LRP1B: variants seen among roughly 807,000 people sequenced by gnomAD.
The protein encoded by LRP1B is low-density lipoprotein receptor-related protein 1B.
LRP1B carries 217 observed loss-of-function variants against 556.6 expected under a neutral mutation model. The ratio of observed to expected loss-of-function variants is 0.39; its 90% CI spans 0.35 to 0.44. The LOEUF is 0.44. Among genes scored for constraint, LRP1B ranks in the 20% least tolerant of loss-of-function variants. The pLI, the probability that LRP1B is intolerant of heterozygous loss-of-function variation, is 1.00. For missense variants in LRP1B, 5,053 were observed against 5,620.8 expected (o/e 0.90, Z 3.23); for synonymous variants, 2,047 against 1,865.8 (o/e 1.10, Z -2.50).
At chr2:141,660,390 A>T (rs1482639968) in intron 2 of LRP1B, among the ~76,000 whole-genome samples, 1 of 131,186 alleles carries the variant, frequency 7.6e-6, no homozygotes, top group Non-Finnish European at 1.7e-5. Flanking sequence ...GTAGATTCTC[A>T]GTGGCCGCCT....
intron 7 of LRP1B, among the ~76,000 whole-genome samples, chr2:141,069,048 G>A (rs2105479379): frequency 6.6e-6 from 1 of 152,040 alleles, no homozygotes; most frequent in Middle Eastern, 3.4e-3. Flanking sequence ...CAGCAATTTA[G>A]AAAAATTATT....
chr2:140,774,744 T>C (rs966859911), intron 33 of LRP1B, among the ~76,000 whole-genome samples: 12 of 152,204 alleles, frequency 7.9e-5, no homozygotes, highest in African/African-American at 2.4e-4. Flanking sequence ...TATTCTCAAT[T>C]ACGTAATCTA....
chr2:140,647,065 C>A (rs1574187960), intron 41 of LRP1B, among the ~76,000 whole-genome samples: 1 of 152,066 alleles, frequency 6.6e-6, no homozygotes, highest in East Asian at 1.9e-4. Flanking sequence ...AGATGTTTCA[C>A]AATTAAATGA....
chr2:140,456,414 C>A (rs2105321553), intron 62 of LRP1B, 41 bp downstream of exon 62: 1 of 1,566,774 alleles, frequency 6.4e-7, no homozygotes, highest in Non-Finnish European at 8.7e-7. Context: ...GCTGATGTTT[C>A]ACCATACACT....
At chr2:141,911,233 C>T (rs892653869) in intron 1 of LRP1B, among the ~76,000 whole-genome samples, 3 of 152,086 alleles carry the variant, frequency 2.0e-5, no homozygotes, top group Non-Finnish European at 4.4e-5. Context: ...GACCTCAAAC[C>T]GGTTTTGTAT....
At chr2:141,593,119 T>C (rs1016343288) in intron 2 of LRP1B, among the ~76,000 whole-genome samples, 1 of 152,108 alleles carries the variant, frequency 6.6e-6, no homozygotes, top group African/African-American at 2.4e-5. Context: ...GACTAGATAA[T>C]GATATTTCTG....
At chr2:141,091,292 G>A (rs1343829181) in intron 7 of LRP1B, among the ~76,000 whole-genome samples, 1 of 152,172 alleles carries the variant, frequency 6.6e-6, no homozygotes, top group Non-Finnish European at 1.5e-5. Flanking sequence ...GTGACAAACA[G>A]AAGTGATTTA....
chr2:141,427,071 G>C (rs1241157936), intron 3 of LRP1B, among the ~76,000 whole-genome samples: 1 of 152,030 alleles, frequency 6.6e-6, no homozygotes, highest in Non-Finnish European at 1.5e-5. Flanking sequence ...TCCCCTCCCT[G>C]TGTCCATGAG....
intron 41 of LRP1B, among the ~76,000 whole-genome samples, chr2:140,641,183 G>A (rs1040514670): frequency 1.3e-5 from 2 of 152,086 alleles, no homozygotes; most frequent in Admixed American, 6.6e-5. Flanking sequence ...TTTTGCAGAC[G>A]GCTGTTCTTT....
At chr2:140,985,567 G>A (rs1696895291) in intron 17 of LRP1B, among the ~76,000 whole-genome samples, 2 of 151,738 alleles carry the variant, frequency 1.3e-5, no homozygotes, top group African/African-American at 4.8e-5. Flanking sequence ...GTCTCCCTCA[G>A]AAGTAGACAA....
chr2:140,293,267 A>G (rs1029990810), intron 84 of LRP1B, among the ~76,000 whole-genome samples: 1 of 152,148 alleles, frequency 6.6e-6, no homozygotes, highest in Non-Finnish European at 1.5e-5. Flanking sequence ...GGTTAACCTC[A>G]TGCTTAACAC....
intron 47 of LRP1B, among the ~76,000 whole-genome samples, chr2:140,532,167 C>T (rs995604037): frequency 6.6e-6 from 1 of 152,062 alleles, no homozygotes; most frequent in Non-Finnish European, 1.5e-5. Flanking sequence ...TGTCTTATCC[C>T]CATTCCCACA....
chr2:141,502,582 T>C (rs992246392), intron 2 of LRP1B, among the ~76,000 whole-genome samples: 1 of 152,094 alleles, frequency 6.6e-6, no homozygotes, highest in African/African-American at 2.4e-5. Flanking sequence ...GACAGCTGGC[T>C]GGGCGCAGTG....
intron 3 of LRP1B, among the ~76,000 whole-genome samples, chr2:141,354,379 C>A (rs886138490): frequency 1.3e-5 from 2 of 151,934 alleles, no homozygotes; most frequent in Non-Finnish European, 2.9e-5. Context: ...AAGTGTACTG[C>A]CCAAACCTAT....
rs1441679698 is a variant in LRP1B at position 141,891,728 on chromosome 2, C to T, written c.83-81327G>A. On this transcript the variant is annotated intron_variant, in intron 1 of 90. Coordinates refer to ENST00000389484, the MANE Select transcript of LRP1B (RefSeq NM_018557.3). Reference sequence around the variant, plus strand: ...ATGCATCTAAGCAATTTATATTTTGCAAACATTTCTCCCTCTGTCTGTACT... The same window carrying T: ...ATGCATCTAAGCAATTTATATTTTGTAAACATTTCTCCCTCTGTCTGTACT... Among the ~76,000 whole-genome samples the T allele has an allele frequency of 3.3e-5, 5 of 152,042 alleles. 1 individual carries two copies. Among genetic ancestry groups the T allele is most frequent in the Admixed American group, 2.0e-4 (3 of 15,248 alleles).
At chr2:140,542,104 A>T in intron 43 of LRP1B, 133 bp from the exon 44 acceptor site, 1 of 551,810 alleles carries the variant, frequency 1.8e-6, no homozygotes, top group Admixed American at 3.3e-5. Context: ...GATAAAAATA[A>T]AATTTTACTA....
chr2:140,330,663 G>T (rs951387647), intron 79 of LRP1B, among the ~76,000 whole-genome samples: 3 of 151,550 alleles, frequency 2.0e-5, no homozygotes, highest in African/African-American at 4.9e-5. Flanking sequence ...ATAGGCAAAG[G>T]CAACGATTTC....
At chr2:142,076,268 C>A (rs1559057219) in intron 1 of LRP1B, among the ~76,000 whole-genome samples, 2 of 152,026 alleles carry the variant, frequency 1.3e-5, no homozygotes, top group African/African-American at 2.4e-5. Flanking sequence ...TGCTTTGATA[C>A]CTATCTACAT....
chr2:140,480,899 C>T (rs1395603184), intron 59 of LRP1B, among the ~76,000 whole-genome samples: 1 of 152,158 alleles, frequency 6.6e-6, no homozygotes, highest in Admixed American at 6.5e-5. Context: ...AAAAGTCTCA[C>T]TCTGTCATGC....
Sources: allele counts gnomAD v4.1 joint callset (sites outside exome capture counted in the v4.1 genomes callset), GRCh38; gene constraint gnomAD v4.1.1; transcripts MANE v1.5; gene names NCBI Gene and HGNC (gene_info 2026-07-23, HGNC 2026-07-21).